Variants in INVS observed in about 807,000 individuals in gnomAD.
INVS encodes the protein inversion of embryo turning homolog.
INVS carries 86 observed loss-of-function variants against 108.8 expected under a neutral mutation model. The observed-to-expected ratio is 0.79, with a 90% CI of 0.66 to 0.95. The LOEUF is 0.95. Ranked by LOEUF, INVS falls within the 40% of genes least tolerant of loss-of-function variation. The pLI is 0.00. For synonymous variants in INVS, 455 were observed against 473.5 expected, an observed-to-expected ratio of 0.96 and a Z score of 0.51; for missense variants, 1,169 against 1,297.4, an observed-to-expected ratio of 0.90 and a Z score of 1.52.
rs142520436 is a variant in INVS at position 100,253,746 on chromosome 9, A to G, written c.1464+610A>G. ...ATGTCCCTACAAAGGACATGAACTC[A>G]TCTTTTTTTTGTGGCTGCATAGTAT... On this transcript the variant is annotated intron_variant, in intron 10 of 16. Coordinates refer to ENST00000262457, the MANE Select transcript of INVS (RefSeq NM_014425.5). 1.7e-4 allele frequency among the ~76,000 whole-genome samples: 26 copies of G among 152,148 alleles called. No individual in the cohort carries two copies. In the East Asian group the frequency reaches 4.8e-3, roughly 28 times the overall value.
At chr9:100,224,080 T>A (rs1481340159) in intron 3 of INVS, among the ~76,000 whole-genome samples, 1 of 152,066 alleles carries the variant, frequency 6.6e-6, no homozygotes, top group Admixed American at 6.6e-5. Context: ...AATCTCATAA[T>A]GTTTTAAGAA....
At chr9:100,108,613 A>T (rs888289524) in intron 2 of INVS, among the ~76,000 whole-genome samples, 2 of 152,160 alleles carry the variant, frequency 1.3e-5, no homozygotes, top group Admixed American at 6.5e-5. Context: ...AACTAGTGAC[A>T]TAGTACTACA....
At chr9:100,213,972 T>G (rs537397186) in intron 3 of INVS, among the ~76,000 whole-genome samples, 7 of 152,326 alleles carry the variant, frequency 4.6e-5, no homozygotes, top group African/African-American at 1.7e-4. Context: ...GATTGACTCT[T>G]CCAACAACCC....
At chr9:100,254,008 T>C (rs1832331086) in intron 10 of INVS, among the ~76,000 whole-genome samples, 1 of 152,196 alleles carries the variant, frequency 6.6e-6, no homozygotes, top group Non-Finnish European at 1.5e-5. Context: ...TCCACAATGG[T>C]TGAACTAGTT....
At chr9:100,185,516 A>AATATATAT (rs35603398) in intron 3 of INVS, among the ~76,000 whole-genome samples, 1,776 of 109,996 alleles carry the variant, frequency 0.016, 26 homozygotes, top group South Asian at 0.022. Context: ...TATGCATAGA[A>AATATATAT]ATATATATAT....
At chr9:100,111,804 G>A (rs1035686796) in intron 2 of INVS, among the ~76,000 whole-genome samples, 1 of 152,100 alleles carries the variant, frequency 6.6e-6, no homozygotes, top group African/African-American at 2.4e-5. Flanking sequence ...AAGAGAGTAG[G>A]GTGGATAGAT....
intron 3 of INVS, among the ~76,000 whole-genome samples, chr9:100,224,963 G>A (rs1201950476): frequency 1.3e-5 from 2 of 151,914 alleles, no homozygotes; most frequent in Non-Finnish European, 2.9e-5. Context: ...GGATTTAACT[G>A]ACTTGGAGAG....
At chr9:100,276,623 C>T (rs983353866) in intron 12 of INVS, among the ~76,000 whole-genome samples, 4 of 152,176 alleles carry the variant, frequency 2.6e-5, no homozygotes, top group Non-Finnish European at 2.9e-5. Context: ...ATTCTCCTGC[C>T]TTAGCCTCCC....
At chr9:100,169,121 G>T (rs188571736) in intron 3 of INVS, among the ~76,000 whole-genome samples, 2 of 152,170 alleles carry the variant, frequency 1.3e-5, no homozygotes, top group Admixed American at 1.3e-4. Context: ...TTCTCCCCTG[G>T]TCATTTAGAA....
chr9:100,179,466 CAA>C (rs943357935), intron 3 of INVS, among the ~76,000 whole-genome samples: 8 of 130,836 alleles, frequency 6.1e-5, no homozygotes, highest in Admixed American at 7.7e-5. Context: ...AAATGGAAAG[CAA>C]AAAAAAAAAG....
chr9:100,146,911 T>C (rs1425384080), intron 3 of INVS, among the ~76,000 whole-genome samples: 1 of 152,184 alleles, frequency 6.6e-6, no homozygotes, highest in African/African-American at 2.4e-5. Context: ...ATATACTTGT[T>C]TGAGTACCTG....
At chr9:100,209,492 C>T (rs963838296) in intron 3 of INVS, among the ~76,000 whole-genome samples, 10 of 152,114 alleles carry the variant, frequency 6.6e-5, no homozygotes, top group South Asian at 2.1e-4. Context: ...CAGTACTGGC[C>T]GGGTGCAGTG....
At chr9:100,119,874 A>G (rs1827671087) in intron 2 of INVS, among the ~76,000 whole-genome samples, 1 of 152,150 alleles carries the variant, frequency 6.6e-6, no homozygotes, top group African/African-American at 2.4e-5. Context: ...TCACTTTTTT[A>G]AAGGTACTTA....
At chr9:100,191,229 A>G (rs1830211333) in intron 3 of INVS, among the ~76,000 whole-genome samples, 1 of 152,190 alleles carries the variant, frequency 6.6e-6, no homozygotes, top group Admixed American at 6.5e-5. Context: ...CTAAATCTCT[A>G]GCAAGGTCAG....
chr9:100,215,710 G>A (rs917641233), intron 3 of INVS, among the ~76,000 whole-genome samples: 2 of 152,154 alleles, frequency 1.3e-5, no homozygotes, highest in Non-Finnish European at 1.5e-5. Context: ...TAATCAGATT[G>A]GAGCAGCAAC....
In INVS at chr9:100,249,784, G is replaced by A. The variant is rs1445029593; in HGVS notation, c.1079-2499G>A. ...GCTGGGATTACAGGCATGAGCCACC[G>A]CGCCTGGCCTGAATTTACTTTATTT... is the stretch of plus-strand genomic sequence containing the variant. On this transcript the variant is annotated intron_variant, in intron 8 of 16. Transcript: ENST00000262457. Among the ~76,000 whole-genome samples, 15 of 147,314 alleles carry A rather than the reference G, an allele frequency of 1.0e-4. No homozygotes were observed. The South Asian group carries it at 1.4e-3, about 14-fold the overall frequency.
chr9:100,179,471 A>C (rs1478574602), intron 3 of INVS, among the ~76,000 whole-genome samples: 1 of 152,144 alleles, frequency 6.6e-6, no homozygotes, highest in African/African-American at 2.4e-5. Flanking sequence ...GAAAGCAAAA[A>C]AAAAAAGCAG....
intron 5 of INVS, among the ~76,000 whole-genome samples, chr9:100,233,060 G>A (rs1363179991): frequency 6.6e-6 from 1 of 151,780 alleles, no homozygotes; most frequent in African/African-American, 2.4e-5. Context: ...CTCCTTCAGG[G>A]AACTACAATG....
intron 3 of INVS, among the ~76,000 whole-genome samples, chr9:100,170,834 A>T (rs969024677): frequency 2.6e-5 from 4 of 152,210 alleles, no homozygotes; most frequent in African/African-American, 9.6e-5. Flanking sequence ...CATGACAGGG[A>T]CTATCCTGCC....
Sources: allele counts gnomAD v4.1 joint callset (sites outside exome capture counted in the v4.1 genomes callset), GRCh38; gene constraint gnomAD v4.1.1; transcripts MANE v1.5; gene names NCBI Gene and HGNC (gene_info 2026-07-23, HGNC 2026-07-21).